The following OSMR variants were observed in gnomAD, a reference collection of about 807,000 sequenced individuals.
OSMR encodes the protein oncostatin-M-specific receptor subunit beta.
OSMR carries 81 observed loss-of-function variants against 99.9 expected under a neutral mutation model. That is an observed-to-expected ratio of 0.81 (90% CI 0.68 to 0.97). The LOEUF (loss-of-function observed/expected upper bound fraction) is 0.97. Among genes scored for constraint, OSMR ranks in the 50% least tolerant of loss-of-function variants. The pLI is 0.00. For synonymous variants in OSMR, 406 were observed against 410.4 expected (o/e 0.99, Z 0.13); for missense variants, 1,099 against 1,153.4 (o/e 0.95, Z 0.68).
At chr5:38,876,395 A>G in intron 3 of OSMR, 22 bp downstream of exon 3, 1 of 1,598,728 alleles carries the variant, frequency 6.3e-7, no homozygotes, top group Non-Finnish European at 8.6e-7. Flanking sequence ...TTTTGGCTCA[A>G]TATTTAAAAA....
At position 38,891,799 on chromosome 5, in the gene OSMR, G is replaced by T. The variant is rs76868154; in HGVS notation, c.991+5609G>T. On this transcript the variant is annotated intron_variant, in intron 7 of 17. Coordinates refer to ENST00000274276, the MANE Select transcript of OSMR (RefSeq NM_003999.3). ...TAGCGGCCATTGCCACGGTGCGGAG[G>T]AGTGGCCAGACTGTCCCACTGCTCC... 2.7e-3 allele frequency among the ~76,000 whole-genome samples: 408 copies of T among 152,326 alleles called. 1 individual carries two copies. Among genetic ancestry groups the T allele is most frequent in the African/African-American group, 9.3e-3 (387 of 41,584 alleles).
chr5:38,919,305 T>C, intron 11 of OSMR: 1 of 1,471,736 alleles, frequency 6.8e-7, no homozygotes, highest in Non-Finnish European at 9.0e-7. Context: ...TTCTTCAACA[T>C]ACATGGGAAA....
chr5:38,900,690 G>A (rs1039146730), intron 7 of OSMR, among the ~76,000 whole-genome samples: 2 of 152,214 alleles, frequency 1.3e-5, no homozygotes, highest in Non-Finnish European at 2.9e-5. Flanking sequence ...TTGACTACAA[G>A]GATCAATAAC....
chr5:38,855,072 G>A (rs1362505051), intron 1 of OSMR, among the ~76,000 whole-genome samples: 1 of 152,164 alleles, frequency 6.6e-6, no homozygotes, highest in Non-Finnish European at 1.5e-5. Flanking sequence ...GCAGCAGTGA[G>A]ACTGTGTCGG....
chr5:38,909,005 C>T (rs996299278), intron 9 of OSMR, among the ~76,000 whole-genome samples: 5 of 151,980 alleles, frequency 3.3e-5, no homozygotes, highest in South Asian at 2.1e-4. Context: ...AAACCCAATC[C>T]GAGGAATCTA....
intron 9 of OSMR, among the ~76,000 whole-genome samples, chr5:38,906,797 A>G (rs1350511080): frequency 2.0e-5 from 3 of 152,214 alleles, no homozygotes; most frequent in Admixed American, 6.5e-5. Flanking sequence ...TTTTAATGTT[A>G]TGTTCCAAAA....
At chr5:38,861,924 T>C (rs1741393122) in intron 1 of OSMR, among the ~76,000 whole-genome samples, 1 of 96,112 alleles carries the variant, frequency 1.0e-5, no homozygotes, top group Non-Finnish European at 2.1e-5. Context: ...GGCGGGGGGC[T>C]GACCCCCCCA....
At chr5:38,872,556 G>A (rs1188117448) in intron 2 of OSMR, among the ~76,000 whole-genome samples, 2 of 152,138 alleles carry the variant, frequency 1.3e-5, no homozygotes, top group Non-Finnish European at 2.9e-5. Context: ...ACATTCTGAG[G>A]TATGATTATA....
downstream of OSMR, chr5:38,939,513 A>G (rs899481938): frequency 1.3e-5 from 3 of 231,988 alleles, no homozygotes; most frequent in African/African-American, 6.6e-5. Flanking sequence ...GAAATTTTAG[A>G]GCATATTTAA....
chr5:38,880,785 GC>G (rs1285369128), intron 3 of OSMR, among the ~76,000 whole-genome samples: 1 of 152,172 alleles, frequency 6.6e-6, no homozygotes, highest in Non-Finnish European at 1.5e-5. Context: ...ATTATAGAAG[GC>G]CTTGCATGAC....
chr5:38,936,587 T>C (rs114867259), downstream of OSMR, among the ~76,000 whole-genome samples: 1,330 of 152,356 alleles, frequency 8.7e-3, 18 homozygotes, highest in African/African-American at 0.029. Context: ...CCTTGTTACC[T>C]ACTAGAATGT....
In OSMR at chr5:38,881,736, C is replaced by T. The variant is rs745864607; in HGVS notation, c.390C>T (p.Ser130=). 18 of 1,614,144 alleles carry T rather than the reference C, an allele frequency of 1.1e-5. No individual in the cohort carries two copies. The highest frequency in any genetic ancestry group is 1.4e-5 in the Non-Finnish European group (16 of 1,179,990). Residue 130 remains serine, a synonymous_variant, in exon 4 of 18, where the codon AGC becomes AGT. Coordinates refer to ENST00000274276, the MANE Select transcript of OSMR (RefSeq NM_003999.3). Reference sequence around the variant, plus strand: ...AGTTCCCTGAGCCAAATTTCTGGAGCAACTGGAGTTCCTGGGAGGAAGTCA... The same window carrying T: ...AGTTCCCTGAGCCAAATTTCTGGAGTAACTGGAGTTCCTGGGAGGAAGTCA... The part of the protein sequence containing the change: ...DAKFPEPNFW[S]NWSSWEEVSV...
At chr5:38,924,639 C>A in intron 14 of OSMR, 44 bp downstream of exon 14, 1 of 1,440,494 alleles carries the variant, frequency 6.9e-7, no homozygotes, top group South Asian at 1.1e-5. Context: ...TTCAAGATCT[C>A]ATTATTTGAA....
intron 9 of OSMR, among the ~76,000 whole-genome samples, chr5:38,914,203 A>G (rs1745768190): frequency 6.6e-6 from 1 of 152,218 alleles, no homozygotes; most frequent in South Asian, 2.1e-4. Context: ...GAAATCTGAC[A>G]TCAAGCTGTT....
intron 1 of OSMR, among the ~76,000 whole-genome samples, chr5:38,864,530 C>T (rs978759276): frequency 1.1e-3 from 123 of 113,704 alleles, no homozygotes; most frequent in Middle Eastern, 4.8e-3. Flanking sequence ...ATATAGTATT[C>T]TTGCCTGAAG....
In OSMR at chr5:38,923,151, T is replaced by A; in HGVS notation, c.1767T>A (p.Asp589Glu). Reference sequence around the variant, plus strand: ...AATCTGTTGACTTTTTTTCCCTAGATGCTTTTAGGCCAGGAGTTCGATATG... The same window carrying A: ...AATCTGTTGACTTTTTTTCCCTAGAAGCTTTTAGGCCAGGAGTTCGATATG... ...PNTTSTVIST[D>E]AFRPGVRYDF... Residue 589 changes from aspartate (D) to glutamate (E), a missense_variant and splice_region_variant, in exon 13 of 18, where the codon GAT (aspartate) becomes GAA (glutamate). By Grantham distance (45) the Asp-to-Glu change is conservative. Coordinates refer to ENST00000274276, the MANE Select transcript of OSMR (RefSeq NM_003999.3). 6.2e-7 allele frequency: 1 copy of A among 1,612,948 alleles called. No individual in the cohort carries two copies. Among genetic ancestry groups the A allele is most frequent in the Non-Finnish European group, 8.5e-7 (1 of 1,178,944 alleles).
At chr5:38,924,303 A>C (rs1183863026) in intron 13 of OSMR, 119 bp from the exon 14 acceptor site, 3 of 1,554,442 alleles carry the variant, frequency 1.9e-6, no homozygotes, top group Admixed American at 1.9e-5. Flanking sequence ...AAACTCCTTA[A>C]CTTGGCATAA....
chr5:38,881,909 C>G, intron 4 of OSMR, 145 bp downstream of exon 4: 1 of 710,000 alleles, frequency 1.4e-6, no homozygotes, highest in East Asian at 2.7e-5. Context: ...AACTAAAAAA[C>G]ACAGGTGTGA....
chr5:38,866,774 G>T, intron 1 of OSMR, among the ~76,000 whole-genome samples: 1 of 152,154 alleles, frequency 6.6e-6, no homozygotes, highest in Non-Finnish European at 1.5e-5. Flanking sequence ...CCATCACACA[G>T]GCTCCAGAGA....
Sources: allele counts gnomAD v4.1 joint callset (sites outside exome capture counted in the v4.1 genomes callset), GRCh38; gene constraint gnomAD v4.1.1; transcripts MANE v1.5; gene names NCBI Gene and HGNC (gene_info 2026-07-23, HGNC 2026-07-21).